TSGA10IP: variants seen among roughly 807,000 people sequenced by gnomAD.
The protein encoded by TSGA10IP is testis specific 10 interacting protein, also known as testis-specific protein 10-interacting protein.
Under a neutral mutation model 63.2 loss-of-function variants are expected in TSGA10IP, and 64 were observed. The observed-to-expected ratio is 1.01, with a 90% CI of 0.83 to 1.25. The LOEUF (loss-of-function observed/expected upper bound fraction) is 1.25, where lower values mean the gene tolerates loss of function less well. Among genes scored for constraint, TSGA10IP ranks in the 50% most tolerant of loss-of-function variants. TSGA10IP has a pLI of 0.00. For missense variants in TSGA10IP, 681 were observed against 710.1 expected (o/e 0.96, Z 0.47); for synonymous variants, 316 against 298.3 (o/e 1.06, Z -0.61).
At chr11:65,947,008 G>A (rs1277142221) in exon 2 of TSGA10IP, 5 of 1,613,980 alleles carry the variant, frequency 3.1e-6, no homozygotes, top group Non-Finnish European at 4.2e-6. Context: ...GCTCTGAAGA[G>A]TCTGAAGAGT....
rs773164738 is a variant in TSGA10IP, at chr11:65,948,059, T to C, written c.1062T>C (p.Asn354=). The C allele has an allele frequency of 8.2e-6, 13 of 1,581,704 alleles. 1 individual carries two copies. The highest frequency in any genetic ancestry group is 1.0e-5 in the Non-Finnish European group (12 of 1,163,924). ...CTGCCTTCCAGGCCTCCAAGCGGAA[T>C]GGAAAGGCCTATGCCTCGGGATACG... Residue 354 remains asparagine, a synonymous_variant, in exon 4 of 8, where the codon AAT becomes AAC. Coordinates refer to ENST00000532620, the Ensembl canonical transcript of TSGA10IP.
intron 5 of TSGA10IP, among the ~76,000 whole-genome samples, chr11:65,957,068 G>C (rs992155646): frequency 1.3e-5 from 2 of 152,230 alleles, no homozygotes; most frequent in Non-Finnish European, 2.9e-5. Flanking sequence ...TTGTCCTGTG[G>C]GAGGGAGGGA....
At chr11:65,959,448 T>C in intron 7 of TSGA10IP, 134 bp downstream of exon 7, 1 of 1,364,110 alleles carries the variant, frequency 7.3e-7, no homozygotes, top group East Asian at 2.5e-5. Flanking sequence ...AGGCCAGGGT[T>C]GTCATTCCTA....
At chr11:65,954,291 G>A (rs952378397) in intron 5 of TSGA10IP, among the ~76,000 whole-genome samples, 3 of 150,714 alleles carry the variant, frequency 2.0e-5, no homozygotes, top group Non-Finnish European at 1.5e-5. Context: ...TCAGTCTCCC[G>A]AGTAGCTGAG....
intron 5 of TSGA10IP, among the ~76,000 whole-genome samples, chr11:65,955,474 G>A (rs937966020): frequency 4.6e-5 from 7 of 152,034 alleles, no homozygotes; most frequent in Non-Finnish European, 7.4e-5. Context: ...TTAGCTGGGC[G>A]TAGTGGCGCG....
At chr11:65,948,242 A>G in intron 4 of TSGA10IP, 94 bp downstream of exon 4, 1 of 1,414,802 alleles carries the variant, frequency 7.1e-7, no homozygotes, top group Non-Finnish European at 9.4e-7. Flanking sequence ...ACTCTCATTC[A>G]TTTCTTTATT....
rs780520773 is a variant in TSGA10IP at position 65,948,083 on chromosome 11, C to G, written c.1086C>G (p.Tyr362Ter). ...ATGGAAAGGCCTATGCCTCGGGATACGATGAAACTTTCGTGTCTGCCAACC... is the reference window on the plus strand; with the variant it reads ...ATGGAAAGGCCTATGCCTCGGGATAGGATGAAACTTTCGTGTCTGCCAACC... The change falls in exon 4 of 8, where the codon TAC (tyrosine) becomes TAG (stop). Residue 362 changes from tyrosine to a stop codon, truncating the protein, a stop_gained. Coordinates refer to ENST00000532620, the Ensembl canonical transcript of TSGA10IP. LOFTEE classifies it high-confidence loss of function. The G allele has an allele frequency of 1.1e-5, 18 of 1,593,654 alleles. No individual in the cohort carries two copies. The highest frequency in any genetic ancestry group is 1.5e-5 in the Non-Finnish European group (18 of 1,170,336).
chr11:65,949,810 G>T (rs1854911966), intron 4 of TSGA10IP, among the ~76,000 whole-genome samples: 1 of 148,948 alleles, frequency 6.7e-6, no homozygotes, highest in African/African-American at 2.5e-5. Flanking sequence ...TTATATTGTT[G>T]AAGGTCTAAA....
chr11:65,951,335 C>T (rs187385435), intron 4 of TSGA10IP, among the ~76,000 whole-genome samples: 209 of 151,922 alleles, frequency 1.4e-3, no homozygotes, highest in African/African-American at 4.9e-3. Context: ...ACAGAGATTC[C>T]CTTTTCTCCA....
At chr11:65,955,621 A>T (rs1855011030) in intron 5 of TSGA10IP, among the ~76,000 whole-genome samples, 1 of 152,002 alleles carries the variant, frequency 6.6e-6, no homozygotes, top group Admixed American at 6.6e-5. Flanking sequence ...TCAAAAAAAA[A>T]AAAAAGAGTT....
intron 1 of TSGA10IP, 143 bp from the exon 2 acceptor site, chr11:65,946,737 T>G: frequency 6.8e-5 from 59 of 861,928 alleles, no homozygotes; most frequent in Non-Finnish European, 9.1e-5. Flanking sequence ...TCCAGCCCTG[T>G]TTGGTTGGTT....
chr11:65,954,283 A>C (rs1203922547), intron 5 of TSGA10IP, among the ~76,000 whole-genome samples: 1 of 149,838 alleles, frequency 6.7e-6, no homozygotes, highest in Non-Finnish European at 1.5e-5. Context: ...CTCCTGCCTC[A>C]GTCTCCCGAG....
intron 7 of TSGA10IP, among the ~76,000 whole-genome samples, 168 bp downstream of exon 7, chr11:65,959,482 C>T (rs1855080362): frequency 6.6e-6 from 1 of 152,128 alleles, no homozygotes; most frequent in Admixed American, 6.5e-5. Context: ...AAACTAAGGA[C>T]CTGAGGGGAA....
In TSGA10IP at chr11:65,959,324, C is replaced by T. The variant is rs1199680386; in HGVS notation, c.1547+10C>T. 2 of 1,610,400 alleles carry T rather than the reference C, an allele frequency of 1.2e-6. No individual in the cohort carries two copies. The highest frequency in any genetic ancestry group is 3.3e-5 in the Admixed American group (2 of 59,818). On this transcript the variant is annotated intron_variant, in intron 7 of 7. Coordinates refer to ENST00000532620, the Ensembl canonical transcript of TSGA10IP. The stretch of plus-strand genomic sequence containing the variant: ...CCCCCAGGAAACCCAGGTGAGTCTC[C>T]CCGTCAGGTCAAGAACTGACTCTGC...
At chr11:65,953,496 C>G in intron 4 of TSGA10IP, 71 bp from the exon 5 acceptor site, 9 of 1,478,260 alleles carry the variant, frequency 6.1e-6, no homozygotes, top group South Asian at 1.4e-5. Context: ...ATTCCCTTAT[C>G]CAGCCCCTGG....
chr11:65,954,680 C>A (rs892347012), intron 5 of TSGA10IP, among the ~76,000 whole-genome samples: 1 of 151,844 alleles, frequency 6.6e-6, no homozygotes, highest in Admixed American at 6.6e-5. Flanking sequence ...TAGCCAGGTG[C>A]GGTGGCACAT....
rs1248761029 is a variant in TSGA10IP, at chr11:65,959,321, C to CT, written c.1547+8dup. The CT allele has an allele frequency of 1.2e-6, 2 of 1,610,626 alleles. No homozygotes were observed. The highest frequency in any genetic ancestry group is 8.5e-7 in the Non-Finnish European group (1 of 1,179,356). ...GCACCCCCAGGAAACCCAGGTGAGT[C>CT]TCCCCGTCAGGTCAAGAACTGACTC... On this transcript the variant is annotated splice_region_variant and intron_variant, in intron 7 of 7. Coordinates refer to ENST00000532620, the Ensembl canonical transcript of TSGA10IP.
rs1854862460 is a variant in TSGA10IP, at chr11:65,947,592, CTGAGGA to C, written c.768_773del (p.Glu257_Glu258del). 4 of 1,613,828 alleles carry C rather than the reference CTGAGGA, an allele frequency of 2.5e-6. No individual in the cohort carries two copies. The East Asian group carries it at 8.9e-5, about 36-fold the overall frequency. On this transcript the variant is annotated inframe_deletion, in exon 3 of 8. Coordinates refer to ENST00000532620, the Ensembl canonical transcript of TSGA10IP. ...CAATTTTCAGAGGCCACAGAGGAGGCTGAGGAGGGAGAGCACAGGACTCCCTGCAGA... is the reference window on the plus strand; with the variant it reads ...CAATTTTCAGAGGCCACAGAGGAGGCGGGAGAGCACAGGACTCCCTGCAGA...
intron 5 of TSGA10IP, among the ~76,000 whole-genome samples, chr11:65,957,988 C>G (rs1855053849): frequency 6.6e-6 from 1 of 152,206 alleles, no homozygotes; most frequent in Non-Finnish European, 1.5e-5. Flanking sequence ...GGGTCTTGCT[C>G]TGTTGCCCAG....
Sources: allele counts gnomAD v4.1 joint callset (sites outside exome capture counted in the v4.1 genomes callset), GRCh38; gene constraint gnomAD v4.1.1; transcripts MANE v1.5; gene names NCBI Gene and HGNC (gene_info 2026-07-23, HGNC 2026-07-21).